Variants in MCPH1 observed in about 807,000 individuals in gnomAD.
MCPH1 encodes the protein microcephalin 1.
Under a neutral mutation model 84.5 loss-of-function variants are expected in MCPH1, and 104 were observed. The observed-to-expected ratio is 1.23, with a 90% CI of 1.05 to 1.45. The LOEUF (loss-of-function observed/expected upper bound fraction) is 1.45, where lower values mean the gene tolerates loss of function less well. MCPH1 is among the 40% of genes most tolerant of loss of function. MCPH1 has a pLI of 0.00. For missense variants in MCPH1, 1,498 were observed against 1,005.7 expected (o/e 1.49, Z -6.62); for synonymous variants, 514 against 366.8 (o/e 1.40, Z -4.58).
intron 12 of MCPH1, among the ~76,000 whole-genome samples, chr8:6,609,461 GA>G (rs554279973): frequency 3.3e-5 from 5 of 152,206 alleles, no homozygotes; most frequent in African/African-American, 1.2e-4. Context: ...AGCCTTAAAA[GA>G]AAAAAACCTC....
At chr8:6,625,077 G>A (rs1831925760) in intron 13 of MCPH1, 5 of 608,246 alleles carry the variant, frequency 8.2e-6, no homozygotes, top group Non-Finnish European at 1.0e-5. Flanking sequence ...GTTTCACCAT[G>A]TTGGCCAGGC....
chr8:6,411,941 G>C (rs1008443353), intron 2 of MCPH1, among the ~76,000 whole-genome samples: 13 of 152,130 alleles, frequency 8.5e-5, no homozygotes, highest in African/African-American at 3.1e-4. Flanking sequence ...TCTGGCATTT[G>C]GGAGGGGCTG....
intron 12 of MCPH1, among the ~76,000 whole-genome samples, chr8:6,524,204 T>C (rs1360808391): frequency 6.6e-6 from 1 of 152,216 alleles, no homozygotes; most frequent in Non-Finnish European, 1.5e-5. Flanking sequence ...ATTCCCTTTT[T>C]TGAGTCCCGT....
chr8:6,443,171 A>G (rs1803765508), intron 7 of MCPH1, among the ~76,000 whole-genome samples: 1 of 152,240 alleles, frequency 6.6e-6, no homozygotes, highest in South Asian at 2.1e-4. Flanking sequence ...CAGGACACAG[A>G]GGTCAAACAG....
intron 12 of MCPH1, among the ~76,000 whole-genome samples, chr8:6,596,600 C>T (rs550015545): frequency 6.6e-6 from 1 of 151,906 alleles, no homozygotes; most frequent in African/African-American, 2.4e-5. Flanking sequence ...TGCAGGAGCT[C>T]GTGAGTATGA....
At chr8:6,489,334 G>T (rs533089134) in intron 11 of MCPH1, among the ~76,000 whole-genome samples, 1 of 151,982 alleles carries the variant, frequency 6.6e-6, no homozygotes, top group Non-Finnish European at 1.5e-5. Context: ...AGGGGGACCC[G>T]GGAACGGCTA....
intron 12 of MCPH1, among the ~76,000 whole-genome samples, chr8:6,573,305 G>A (rs1826815688): frequency 6.6e-6 from 1 of 152,066 alleles, no homozygotes; most frequent in African/African-American, 2.4e-5. Context: ...AGCTGCTACA[G>A]TAATTCAGGT....
chr8:6,632,746 T>G (rs1047841944), intron 13 of MCPH1, among the ~76,000 whole-genome samples: 5 of 151,882 alleles, frequency 3.3e-5, no homozygotes, highest in African/African-American at 9.7e-5. Context: ...GAGAAAGAGG[T>G]TGCAGTGAGC....
At chr8:6,640,964 C>T (rs1265448932) in intron 13 of MCPH1, among the ~76,000 whole-genome samples, 1 of 152,104 alleles carries the variant, frequency 6.6e-6, no homozygotes, top group Non-Finnish European at 1.5e-5. Flanking sequence ...TGGTTATTCT[C>T]GTCCATTGAT....
chr8:6,417,563 C>G (rs903282960), intron 3 of MCPH1, among the ~76,000 whole-genome samples: 5 of 151,844 alleles, frequency 3.3e-5, no homozygotes, highest in East Asian at 1.9e-4. Context: ...AGTTCATTGA[C>G]TTTTTTCTCC....
rs890027705 is a variant in MCPH1, at chr8:6,446,544, T to A, written c.1825+997T>A. ...TTTATATCTTGGCTTTCTGAACATA[T>A]ATTAAATTTGACAAGAAACTGTATT... On this transcript the variant is annotated intron_variant, in intron 8 of 13. Coordinates refer to ENST00000344683, the MANE Select transcript of MCPH1 (RefSeq NM_024596.5). 7 of 983,106 alleles carry A rather than the reference T, an allele frequency of 7.1e-6. No individual in the cohort carries two copies. In the African/African-American group the frequency reaches 1.0e-4, roughly 15 times the overall value. The allele number at this position is 983,106 out of a possible 1,614,324, so 60.9% of individuals were successfully genotyped here. A position where few individuals can be genotyped will look rare whatever the true frequency, so the allele number is the denominator to read the frequency against.
intron 11 of MCPH1, among the ~76,000 whole-genome samples, chr8:6,492,627 A>T (rs1810752726): frequency 6.7e-6 from 1 of 149,150 alleles, no homozygotes; most frequent in African/African-American, 2.4e-5. Context: ...CATCATTAAT[A>T]ACAATTATTT....
chr8:6,537,567 C>T (rs541432338), intron 12 of MCPH1, among the ~76,000 whole-genome samples: 1 of 150,672 alleles, frequency 6.6e-6, no homozygotes, highest in African/African-American at 2.4e-5. Flanking sequence ...TATATGTTTA[C>T]ATTAATATAT....
chr8:6,417,741 G>A (rs914835497), intron 3 of MCPH1, among the ~76,000 whole-genome samples: 3 of 152,124 alleles, frequency 2.0e-5, no homozygotes, highest in African/African-American at 7.2e-5. Context: ...CTCGATGAGT[G>A]TAGTTATAAA....
chr8:6,418,825 C>G (rs1408252353), intron 3 of MCPH1, among the ~76,000 whole-genome samples: 1 of 152,150 alleles, frequency 6.6e-6, no homozygotes, highest in Non-Finnish European at 1.5e-5. Flanking sequence ...CGTGATCTGC[C>G]TGCCTCAGCC....
chr8:6,507,714 C>G (rs2129565427), intron 12 of MCPH1: 1 of 151,584 alleles, frequency 6.6e-6, no homozygotes, highest in East Asian at 2.0e-4. Context: ...GTAGGAGTAG[C>G]TGGGATTACA....
At chr8:6,570,182 T>C (rs578163391) in intron 12 of MCPH1, among the ~76,000 whole-genome samples, 2 of 152,382 alleles carry the variant, frequency 1.3e-5, no homozygotes, top group Non-Finnish European at 2.9e-5. Flanking sequence ...ATATGATGTA[T>C]GTTTTAGAAT....
rs71525749 is a variant in MCPH1, at chr8:6,644,294, C to G, written c.*1245C>G. On this transcript the variant is annotated 3_prime_UTR_variant, in exon 14 of 14. Transcript: ENST00000344683. ...TAAATAAATAAATAAATAAGAAACA[C>G]TGATGTGTCTGTCACCTTCTAAAGA... The G allele has an allele frequency of 6.6e-6, 1 of 152,184 alleles. No homozygotes were observed. The highest frequency in any genetic ancestry group is 2.4e-5 in the African/African-American group (1 of 41,518). 9.4% of individuals were successfully genotyped at this position (152,184 alleles called of 1,614,324 possible).
chr8:6,636,630 G>T (rs957579509), intron 13 of MCPH1, among the ~76,000 whole-genome samples: 9 of 152,138 alleles, frequency 5.9e-5, no homozygotes, highest in Non-Finnish European at 1.3e-4. Context: ...CAGTCATGCT[G>T]TCGCACCTGG....
Sources: gnomAD v4.1 joint callset for allele counts (sites outside exome capture counted in the v4.1 genomes callset) on GRCh38, gnomAD v4.1.1 for gene constraint, MANE v1.5 for transcripts, NCBI Gene and HGNC (gene_info 2026-07-23, HGNC 2026-07-21) for gene names.